RANBP17: variants seen among roughly 807,000 people sequenced by gnomAD.
RANBP17 encodes RAN binding protein 17, also known as ran-binding protein 17.
A neutral mutation model predicts 141.2 loss-of-function variants in RANBP17; 158 were observed. The ratio of observed to expected loss-of-function variants is 1.12; its 90% CI spans 0.98 to 1.28. The LOEUF (loss-of-function observed/expected upper bound fraction) is 1.28. Ranked by LOEUF, RANBP17 falls within the 50% of genes most tolerant of loss-of-function variation. The probability of loss-of-function intolerance (pLI) is 0.00; values close to 1 mark genes in which losing one functional copy is unlikely to be tolerated. For synonymous variants in RANBP17, 430 were observed against 450.0 expected, an observed-to-expected ratio of 0.96 and a Z score of 0.56; for missense variants, 1,438 against 1,290.7, an observed-to-expected ratio of 1.11 and a Z score of -1.75.
At chr5:170,982,446 A>G (rs1459818109) in intron 14 of RANBP17, among the ~76,000 whole-genome samples, 1 of 152,196 alleles carries the variant, frequency 6.6e-6, no homozygotes, top group East Asian at 1.9e-4. Flanking sequence ...AACAGAATTA[A>G]TATTAAAACC....
At chr5:171,222,999 G>T (rs970233223) in intron 22 of RANBP17, among the ~76,000 whole-genome samples, 1 of 152,034 alleles carries the variant, frequency 6.6e-6, no homozygotes, top group Non-Finnish European at 1.5e-5. Flanking sequence ...TTTTAATTCT[G>T]TATGTGTTTG....
intron 18 of RANBP17, among the ~76,000 whole-genome samples, chr5:171,195,170 A>G (rs1761897359): frequency 6.6e-6 from 1 of 152,186 alleles, no homozygotes; most frequent in Non-Finnish European, 1.5e-5. Context: ...CCTTCAAATC[A>G]TATTGGTTTC....
At chr5:171,046,828 ACTGT>A (rs1366848370) in intron 14 of RANBP17, among the ~76,000 whole-genome samples, 1 of 152,066 alleles carries the variant, frequency 6.6e-6, no homozygotes, top group African/African-American at 2.4e-5. Flanking sequence ...GTAGATAGAA[ACTGT>A]CTTACTCTAA....
intron 14 of RANBP17, among the ~76,000 whole-genome samples, chr5:171,061,893 G>A (rs1246764962): frequency 6.6e-6 from 1 of 152,140 alleles, no homozygotes; most frequent in Non-Finnish European, 1.5e-5. Context: ...TTTTTGAATT[G>A]ATCCCTTTAC....
At chr5:171,216,818 G>A (rs1267494421) in intron 21 of RANBP17, among the ~76,000 whole-genome samples, 6 of 152,138 alleles carry the variant, frequency 3.9e-5, no homozygotes, top group Non-Finnish European at 7.4e-5. Flanking sequence ...GGGCTGAGAC[G>A]ATGAGGTTTT....
intron 24 of RANBP17, chr5:171,251,848 A>C (rs1226253865): frequency 1.5e-6 from 2 of 1,357,428 alleles, no homozygotes; most frequent in Non-Finnish European, 2.1e-6. Flanking sequence ...ATTCGCTTCC[A>C]TCTGTACCAT....
chr5:171,060,418 A>T (rs909193714), intron 14 of RANBP17, among the ~76,000 whole-genome samples: 2 of 152,094 alleles, frequency 1.3e-5, no homozygotes, highest in Admixed American at 1.3e-4. Flanking sequence ...CTATTGAGAT[A>T]ATCATGTGGT....
chr5:171,201,253 G>A (rs545612103), intron 19 of RANBP17, among the ~76,000 whole-genome samples: 20 of 152,158 alleles, frequency 1.3e-4, no homozygotes, highest in African/African-American at 4.3e-4. Flanking sequence ...ACACTTTAAC[G>A]GTATTTGCAA....
chr5:170,897,295 T>A, intron 5 of RANBP17: 2 of 625,318 alleles, frequency 3.2e-6, no homozygotes, highest in East Asian at 4.1e-5. Flanking sequence ...AGTGTTTCTT[T>A]ATAATACATT....
chr5:171,070,418 AAATAT>A (rs1484393106), intron 14 of RANBP17, among the ~76,000 whole-genome samples: 1 of 152,168 alleles, frequency 6.6e-6, no homozygotes, highest in Non-Finnish European at 1.5e-5. Context: ...TAATCTGAAT[AAATAT>A]AATGTTAACA....
intron 12 of RANBP17, among the ~76,000 whole-genome samples, chr5:170,947,817 A>G (rs1426999330): frequency 6.6e-6 from 1 of 152,140 alleles, no homozygotes; most frequent in Non-Finnish European, 1.5e-5. Flanking sequence ...GTCTTCTTAA[A>G]TGGTGGCAGG....
Position 171,187,634 on chromosome 5 carries a change from AT to A in RANBP17, c.2038+4211del, listed in dbSNP as rs561512310. Reference sequence around the variant, plus strand: ...ATTTTTTCTATTTCTGATCATTTGAATTTTTTTAGTGTATTACTTTTATAAT... The same window carrying A: ...ATTTTTTCTATTTCTGATCATTTGAATTTTTTAGTGTATTACTTTTATAAT... On this transcript the variant is annotated intron_variant, in intron 18 of 27. Coordinates refer to ENST00000523189, the MANE Select transcript of RANBP17 (RefSeq NM_022897.5). 7.5e-3 allele frequency among the ~76,000 whole-genome samples: 1,135 copies of A among 152,250 alleles called. 13 individuals carry two copies. Among genetic ancestry groups the A allele is most frequent in the African/African-American group, 0.026 (1,073 of 41,552 alleles).
At chr5:171,180,424 C>G (rs1482925495) in intron 16 of RANBP17, among the ~76,000 whole-genome samples, 1 of 152,218 alleles carries the variant, frequency 6.6e-6, no homozygotes, top group East Asian at 1.9e-4. Context: ...ACTGTTGCTA[C>G]TGTTACTGTT....
intron 18 of RANBP17, among the ~76,000 whole-genome samples, chr5:171,194,795 C>A (rs1291173114): frequency 1.3e-5 from 2 of 152,204 alleles, no homozygotes; most frequent in Non-Finnish European, 2.9e-5. Context: ...TCCACAGTGA[C>A]TACACCATAT....
Position 171,068,910 on chromosome 5 carries a change from G to A in RANBP17, c.1710+100533G>A, listed in dbSNP as rs141475279. ...CTGGTGCTGATACTTCTCAAAGGCT[G>A]CAGTTACTCGTTTATTTAGTAACTT... On this transcript the variant is annotated intron_variant, in intron 14 of 27. Coordinates refer to ENST00000523189, the MANE Select transcript of RANBP17 (RefSeq NM_022897.5). Among the ~76,000 whole-genome samples the A allele has an allele frequency of 2.4e-3, 366 of 152,248 alleles. 3 individuals are homozygous for A. The highest frequency in any genetic ancestry group is 8.4e-3 in the African/African-American group (350 of 41,546).
At chr5:171,288,776 C>T (rs547979700) in intron 25 of RANBP17, among the ~76,000 whole-genome samples, 28 of 152,120 alleles carry the variant, frequency 1.8e-4, no homozygotes, top group Non-Finnish European at 3.8e-4. Context: ...TCAGGCACAG[C>T]CTACTGTTAG....
At chr5:170,960,885 A>G (rs1776093360) in intron 13 of RANBP17, among the ~76,000 whole-genome samples, 1 of 152,186 alleles carries the variant, frequency 6.6e-6, no homozygotes, top group East Asian at 1.9e-4. Context: ...TAGCTGGGAT[A>G]CAGGCTCCTG....
At chr5:170,922,788 GCCCTGCC>G (rs1166619947) in intron 11 of RANBP17, among the ~76,000 whole-genome samples, 2 of 152,080 alleles carry the variant, frequency 1.3e-5, no homozygotes, top group Non-Finnish European at 2.9e-5. Flanking sequence ...GTGAGGCGAC[GCCCTGCC>G]CTGCTTCAGC....
intron 12 of RANBP17, among the ~76,000 whole-genome samples, chr5:170,938,721 A>G (rs982456700): frequency 3.3e-5 from 5 of 152,204 alleles, no homozygotes; most frequent in Admixed American, 3.3e-4. Context: ...AACTGAGGAA[A>G]GAGTTGGCTA....
Sources: gnomAD v4.1 joint callset for allele counts (sites outside exome capture counted in the v4.1 genomes callset) on GRCh38, gnomAD v4.1.1 for gene constraint, MANE v1.5 for transcripts, NCBI Gene and HGNC (gene_info 2026-07-23, HGNC 2026-07-21) for gene names.